The following MKKS variants were observed in gnomAD, a reference collection of about 807,000 sequenced individuals.
MKKS encodes molecular chaperone MKKS.
Under a neutral mutation model 33.2 loss-of-function variants are expected in MKKS, and 29 were observed. The ratio of observed to expected loss-of-function variants is 0.87; its 90% CI spans 0.65 to 1.19. The LOEUF is 1.19. Ranked by LOEUF, MKKS falls within the 50% of genes most tolerant of loss-of-function variation. The probability of loss-of-function intolerance (pLI) is 0.00; values close to 1 mark genes in which losing one functional copy is unlikely to be tolerated. For missense variants in MKKS, 661 were observed against 662.3 expected, an observed-to-expected ratio of 1.00 and a Z score of 0.02; for synonymous variants, 260 against 244.0, an observed-to-expected ratio of 1.07 and a Z score of -0.61.
At chr20:10,405,837 T>C in intron 5 of MKKS, 150 bp from the exon 6 acceptor site, 1 of 823,124 alleles carries the variant, frequency 1.2e-6, no homozygotes, top group South Asian at 1.7e-5. Flanking sequence ...AACGGGCTTG[T>C]ATGGGTCAGC....
At chr20:10,434,029 G>A (rs980851609) in intron 1 of MKKS, 79 bp downstream of exon 1, 1 of 152,366 alleles carries the variant, frequency 6.6e-6, no homozygotes, top group Non-Finnish European at 1.5e-5. Flanking sequence ...GGTGGAGAGG[G>A]AGGCGCCTAC....
In MKKS at chr20:10,405,648, A is replaced by C; in HGVS notation, c.1312T>G (p.Cys438Gly). 1 of 1,614,184 alleles carries C rather than the reference A, an allele frequency of 6.2e-7. No individual in the cohort carries two copies. The highest frequency in any genetic ancestry group is 8.5e-7 in the Non-Finnish European group (1 of 1,180,008). Reference sequence around the variant, plus strand: ...ATTAATTGAAGTTCTGTTTGAGTACATTCATCATCTTTGAGAATGCTTTCT... The same window carrying C: ...ATTAATTGAAGTTCTGTTTGAGTACCTTCATCATCTTTGAGAATGCTTTCT... ...DPESILKDDE[C>G]TQTELQLIAE... Residue 438 changes from cysteine to glycine, a missense_variant, in exon 6 of 6, where the codon TGT becomes GGT. Coordinates refer to ENST00000347364, the MANE Select transcript of MKKS (RefSeq NM_170784.3).
chr20:10,407,483 C>T, intron 5 of MKKS, 133 bp downstream of exon 5: 1 of 744,756 alleles, frequency 1.3e-6, no homozygotes, highest in South Asian at 1.5e-5. Flanking sequence ...TATAACAAAC[C>T]TATACATGCA....
intron 2 of MKKS, among the ~76,000 whole-genome samples, chr20:10,416,393 C>T (rs1036569890): frequency 2.4e-4 from 36 of 152,046 alleles, no homozygotes; most frequent in African/African-American, 8.4e-4. Flanking sequence ...TTATTAAAGA[C>T]TACGTGGGTC....
At chr20:10,416,297 T>C (rs1052133362) in intron 2 of MKKS, among the ~76,000 whole-genome samples, 3 of 151,234 alleles carry the variant, frequency 2.0e-5, no homozygotes, top group African/African-American at 4.9e-5. Flanking sequence ...GCAAATGGAG[T>C]TCTTTGGCAA....
chr20:10,405,351 G>T lies in MKKS; in HGVS notation c.1609C>A (p.Leu537Met), dbSNP rs1349048248. ...PHEAVGSASNLTLDCLTAKLS... is the reference protein window; with the variant it reads ...PHEAVGSASNMTLDCLTAKLS... The stretch of plus-strand genomic sequence containing the variant: ...TTTGCAGTCAAACAGTCCAAGGTCA[G>T]GTTGCTGGCTGAGCCCACAGCTTCA... Residue 537 changes from leucine to methionine, a missense_variant, in exon 6 of 6, where the codon CTG (leucine) becomes ATG (methionine). By Grantham distance (15) the Leu-to-Met change is conservative. Transcript: ENST00000347364. 2 of 1,614,092 alleles carry T rather than the reference G, an allele frequency of 1.2e-6. No individual in the cohort carries two copies. The highest frequency in any genetic ancestry group is 2.7e-5 in the African/African-American group (2 of 74,934).
At chr20:10,408,065 T>G (rs988107064) in intron 4 of MKKS, among the ~76,000 whole-genome samples, 1 of 152,188 alleles carries the variant, frequency 6.6e-6, no homozygotes, top group Non-Finnish European at 1.5e-5. Flanking sequence ...ATCATTTCAG[T>G]CTAAATAATA....
intron 2 of MKKS, among the ~76,000 whole-genome samples, chr20:10,415,840 T>C (rs6108561): frequency 0.14 from 21,936 of 152,220 alleles, 1,779 homozygotes; most frequent in East Asian, 0.24. Context: ...CCAGTACACA[T>C]ATCTTTTGGC....
At chr20:10,407,253 A>C (rs575293266) in intron 5 of MKKS, among the ~76,000 whole-genome samples, 1 of 152,276 alleles carries the variant, frequency 6.6e-6, no homozygotes, top group South Asian at 2.1e-4. Context: ...AGCAGTTGAG[A>C]TCTCTAAGAG....
At chr20:10,425,605 A>G (rs1366183049) in intron 1 of MKKS, among the ~76,000 whole-genome samples, 1 of 152,246 alleles carries the variant, frequency 6.6e-6, no homozygotes, top group Non-Finnish European at 1.5e-5. Context: ...TCCTTCCCTC[A>G]AAACACTTGG....
intron 2 of MKKS, among the ~76,000 whole-genome samples, chr20:10,416,330 G>C (rs1044048827): frequency 6.6e-6 from 1 of 152,086 alleles, no homozygotes; most frequent in Non-Finnish European, 1.5e-5. Context: ...TAGGTATGAG[G>C]TAAGAAATAC....
At chr20:10,431,113 C>T (rs968642396) in intron 1 of MKKS, among the ~76,000 whole-genome samples, 7 of 152,096 alleles carry the variant, frequency 4.6e-5, no homozygotes, top group East Asian at 1.9e-4. Flanking sequence ...GCTCAATACA[C>T]GGCAGCCATT....
rs550191705 is a variant in MKKS at position 10,428,928 on chromosome 20, A to G, written c.-649+5180T>C. Among the ~76,000 whole-genome samples, 4 of 152,224 alleles carry G rather than the reference A, an allele frequency of 2.6e-5. No homozygotes were observed. The South Asian group carries it at 6.2e-4, about 24-fold the overall frequency. ...TACCTGTGTTCCAGTCCCACTTTCT[A>G]CTGTGTCTTTGGGGTTCTAACTTCA... On this transcript the variant is annotated intron_variant, in intron 1 of 5. Coordinates refer to ENST00000347364, the MANE Select transcript of MKKS (RefSeq NM_170784.3).
intron 3 of MKKS, 30 bp downstream of exon 3, chr20:10,412,500 T>A: frequency 6.2e-7 from 1 of 1,609,122 alleles, no homozygotes; most frequent in Non-Finnish European, 8.5e-7. Flanking sequence ...TTATTAACTG[T>A]AAGAGGCAAA....
Position 10,403,487 on chromosome 20 carries a change from T to C in MKKS, c.*1760A>G, listed in dbSNP as rs535183564. 1 of 152,298 alleles carries C rather than the reference T, an allele frequency of 6.6e-6. No individual in the cohort carries two copies. Among genetic ancestry groups the C allele is most frequent in the East Asian group, 1.9e-4 (1 of 5,178 alleles). The allele number at this position is 152,298 out of a possible 1,614,324, so 9.4% of individuals were successfully genotyped here. ...CATAATTGGAATCAAGTCAGGGTGA[T>C]ATCATAACTGGAATCACCCCAGGCT... On this transcript the variant is annotated 3_prime_UTR_variant, in exon 6 of 6. Transcript: ENST00000347364.
Position 10,404,893 on chromosome 20 carries a change from A to G in MKKS, c.*354T>C, listed in dbSNP as rs1216957938. 5.9e-6 allele frequency: 1 copy of G among 169,988 alleles called. No individual in the cohort carries two copies. The highest frequency in any genetic ancestry group is 1.3e-5 in the Non-Finnish European group (1 of 78,692). 10.5% of individuals were successfully genotyped at this position (169,988 alleles called of 1,614,324 possible). ...ATGTAATTACTGCTAACTGGAAAATATCTAAAATATGTATATCCAAACTAG... is the reference window on the plus strand; with the variant it reads ...ATGTAATTACTGCTAACTGGAAAATGTCTAAAATATGTATATCCAAACTAG... On this transcript the variant is annotated 3_prime_UTR_variant, in exon 6 of 6. Coordinates refer to ENST00000347364, the MANE Select transcript of MKKS (RefSeq NM_170784.3).
chr20:10,426,325 T>C (rs1024399828), intron 1 of MKKS, among the ~76,000 whole-genome samples: 1 of 152,170 alleles, frequency 6.6e-6, no homozygotes, highest in Non-Finnish European at 1.5e-5. Context: ...TGATCACGGA[T>C]GAGGGGAACA....
Position 10,405,377 on chromosome 20 carries a change from T to C in MKKS, c.1583A>G (p.His528Arg), listed in dbSNP as rs1288210757. The change falls in exon 6 of 6, where the codon CAT becomes CGT. Residue 528 changes from histidine to arginine, a missense_variant. Coordinates refer to ENST00000347364, the MANE Select transcript of MKKS (RefSeq NM_170784.3). ...RPFVPQSCLP[H>R]EAVGSASNLT... is the part of the protein sequence containing the mutation. Reference sequence around the variant, plus strand: ...GTTGCTGGCTGAGCCCACAGCTTCATGTGGAAGGCAGCTTTGTGGCACAAA... The same window carrying C: ...GTTGCTGGCTGAGCCCACAGCTTCACGTGGAAGGCAGCTTTGTGGCACAAA... 5 of 1,614,178 alleles carry C rather than the reference T, an allele frequency of 3.1e-6. No individual in the cohort carries two copies. Among genetic ancestry groups the C allele is most frequent in the East Asian group, 2.2e-5 (1 of 44,882 alleles).
chr20:10,429,390 G>A (rs113916686), intron 1 of MKKS, among the ~76,000 whole-genome samples: 48 of 152,172 alleles, frequency 3.2e-4, no homozygotes, highest in African/African-American at 1.0e-3. Context: ...TTTCCTGGGC[G>A]GTCTCATTCA....
Sources: allele counts gnomAD v4.1 joint callset (sites outside exome capture counted in the v4.1 genomes callset), GRCh38; gene constraint gnomAD v4.1.1; transcripts MANE v1.5; gene names NCBI Gene and HGNC (gene_info 2026-07-23, HGNC 2026-07-21).